SLC25A26: variants seen among roughly 807,000 people sequenced by gnomAD.
SLC25A26 encodes the protein solute carrier family 25 member 26.
A neutral mutation model predicts 37.8 loss-of-function variants in SLC25A26; 36 were observed. The ratio of observed to expected loss-of-function variants is 0.95; its 90% CI spans 0.73 to 1.26. The LOEUF (loss-of-function observed/expected upper bound fraction) is 1.26, where lower values mean the gene tolerates loss of function less well. Among genes scored for constraint, SLC25A26 ranks in the 50% most tolerant of loss-of-function variants. SLC25A26 has a pLI of 0.00. For missense variants in SLC25A26, 390 were observed against 331.1 expected (o/e 1.18, Z -1.38); for synonymous variants, 129 against 122.5 (o/e 1.05, Z -0.35).
chr3:66,137,601 G>T (rs898020157), intron 1 of SLC25A26, among the ~76,000 whole-genome samples: 1 of 152,048 alleles, frequency 6.6e-6, no homozygotes, highest in African/African-American at 2.4e-5. Flanking sequence ...GAATTACCTA[G>T]TTGGTGGTAT....
At chr3:66,323,286 C>T (rs996677003) in intron 5 of SLC25A26, among the ~76,000 whole-genome samples, 3 of 152,200 alleles carry the variant, frequency 2.0e-5, no homozygotes, top group South Asian at 2.1e-4. Context: ...ACCACATTTT[C>T]CAGTCAACCT....
chr3:66,144,301 A>G (rs2070082816), intron 1 of SLC25A26, among the ~76,000 whole-genome samples: 1 of 152,174 alleles, frequency 6.6e-6, no homozygotes, highest in African/African-American at 2.4e-5. Flanking sequence ...GCCTGAGTGT[A>G]AGTACAGTTT....
At chr3:66,265,827 A>C (rs182778516) in intron 5 of SLC25A26, among the ~76,000 whole-genome samples, 11 of 152,292 alleles carry the variant, frequency 7.2e-5, no homozygotes, top group African/African-American at 2.6e-4. Flanking sequence ...TTCACTCTGT[A>C]CTTAGTTTCT....
chr3:66,208,810 G>A (rs1251471259), intron 1 of SLC25A26, among the ~76,000 whole-genome samples: 1,405 of 100,894 alleles, frequency 0.014, 55 homozygotes, highest in African/African-American at 0.047. Flanking sequence ...CTTTACATGG[G>A]TATATATATA....
intron 5 of SLC25A26, among the ~76,000 whole-genome samples, chr3:66,310,571 G>A (rs560898122): frequency 1.3e-5 from 2 of 152,302 alleles, no homozygotes; most frequent in East Asian, 1.9e-4. Context: ...ATTAGTTGAT[G>A]CAGTTTCTTT....
intron 6 of SLC25A26, among the ~76,000 whole-genome samples, chr3:66,349,421 CTTTT>C (rs1559726771): frequency 6.6e-6 from 1 of 152,040 alleles, no homozygotes; most frequent in Non-Finnish European, 1.5e-5. Flanking sequence ...GTAGTCTTCT[CTTTT>C]CCAGAACATC....
At chr3:66,199,694 C>A (rs1283100556) in intron 1 of SLC25A26, among the ~76,000 whole-genome samples, 1 of 152,240 alleles carries the variant, frequency 6.6e-6, no homozygotes, top group South Asian at 2.1e-4. Flanking sequence ...TCATCCTGAC[C>A]CTCATCATGA....
chr3:66,160,577 C>A (rs569778783), intron 1 of SLC25A26, among the ~76,000 whole-genome samples: 1 of 152,268 alleles, frequency 6.6e-6, no homozygotes, highest in South Asian at 2.1e-4. Context: ...ATTCTATGTG[C>A]ACAATAATGT....
chr3:66,265,735 T>C (rs2107312404), intron 5 of SLC25A26, among the ~76,000 whole-genome samples: 1 of 120,430 alleles, frequency 8.3e-6, no homozygotes, highest in African/African-American at 3.1e-5. Context: ...GAACTTCTTT[T>C]TAAGGCAAAC....
chr3:66,289,491 A>G lies in SLC25A26; in HGVS notation c.453+26112A>G, dbSNP rs566359763. Among the ~76,000 whole-genome samples, 5 of 152,224 alleles carry G rather than the reference A, an allele frequency of 3.3e-5. No individual in the cohort carries two copies. The South Asian group carries it at 1.0e-3, about 32-fold the overall frequency. Reference sequence around the variant, plus strand: ...TAAGTCTTTAACCCATCTTGAGTTAATTTTTGTATAAAGAGTAAAGAAGGG... The same window carrying G: ...TAAGTCTTTAACCCATCTTGAGTTAGTTTTTGTATAAAGAGTAAAGAAGGG... On this transcript the variant is annotated intron_variant, in intron 5 of 9. Transcript: ENST00000354883.
At chr3:66,162,344 C>CTTTTT (rs562402223) in intron 1 of SLC25A26, among the ~76,000 whole-genome samples, 2 of 47,356 alleles carry the variant, frequency 4.2e-5, no homozygotes, top group Non-Finnish European at 9.0e-5. Flanking sequence ...ATTTTTTTTT[C>CTTTTT]TTTTTTTTTT....
At chr3:66,337,229 G>C (rs144021373) in intron 5 of SLC25A26, among the ~76,000 whole-genome samples, 2 of 152,170 alleles carry the variant, frequency 1.3e-5, no homozygotes, top group African/African-American at 2.4e-5. Context: ...TTTGTGTTCT[G>C]ATATACCCAG....
intron 5 of SLC25A26, among the ~76,000 whole-genome samples, chr3:66,343,977 G>C (rs1006078257): frequency 3.8e-4 from 58 of 152,296 alleles, no homozygotes; most frequent in African/African-American, 1.2e-3. Flanking sequence ...CGACATTCGG[G>C]GGGGCTGGCT....
intron 9 of SLC25A26, among the ~76,000 whole-genome samples, chr3:66,374,836 G>A (rs886469199): frequency 6.6e-6 from 1 of 151,826 alleles, no homozygotes; most frequent in Non-Finnish European, 1.5e-5. Flanking sequence ...GGCCACGATC[G>A]TGCCACTGCA....
At position 66,294,426 on chromosome 3, in the gene SLC25A26, A is replaced by G. The variant is rs545892539; in HGVS notation, c.453+31047A>G. Among the ~76,000 whole-genome samples, 46 of 152,218 alleles carry G rather than the reference A, an allele frequency of 3.0e-4. No individual in the cohort carries two copies. In the Middle Eastern group the frequency reaches 0.01, roughly 34 times the overall value. On this transcript the variant is annotated intron_variant, in intron 5 of 9. Transcript: ENST00000354883. ...CATAAGGAGCTTTTGGGCCGGGACT[A>G]TGGGGTTTTCTAGATATATGATCAT... is the stretch of plus-strand genomic sequence containing the variant.
intron 5 of SLC25A26, among the ~76,000 whole-genome samples, chr3:66,337,135 C>G (rs1033433670): frequency 6.6e-6 from 1 of 152,116 alleles, no homozygotes; most frequent in African/African-American, 2.4e-5. Flanking sequence ...CAGTCACTCA[C>G]TTCAACTGTG....
At position 66,362,888 on chromosome 3, in the gene SLC25A26, T is replaced by TA. The variant is rs1209927705; in HGVS notation, c.527_528insA (p.Val177GlyfsTer42). 1 of 1,608,166 alleles carries TA rather than the reference T, an allele frequency of 6.2e-7. No homozygotes were observed. Among genetic ancestry groups the TA allele is most frequent in the Admixed American group, 1.7e-5 (1 of 59,462 alleles). ...CTCTGGTCCTGGAGGCAGGATCATG[T>TA]GGTGGATTCTTGGCAGTCAGCAGTC... On this transcript the variant is annotated frameshift_variant, in exon 7 of 10. Transcript: ENST00000354883. LOFTEE classifies it high-confidence loss of function.
rs529872558 is a variant in SLC25A26, at chr3:66,184,341, A to T, written c.-353-36401A>T. Among the ~76,000 whole-genome samples the T allele has an allele frequency of 2.6e-5, 4 of 152,116 alleles. No homozygotes were observed. The East Asian group carries it at 5.8e-4, about 22-fold the overall frequency. On this transcript the variant is annotated intron_variant, in intron 1 of 10. Coordinates refer to the SLC25A26 transcript ENST00000676754. ...GACTGTAGCCCTTACCCTCACCCTG[A>T]TATGAACAGTGACTCAATCCCGACC...
rs2075315785 is a variant in SLC25A26, at chr3:66,309,466, G to A, written c.454-36898G>A. On this transcript the variant is annotated intron_variant, in intron 5 of 9. Transcript: ENST00000354883. ...CAAAAAACCAGCTCCTGGATTCATT[G>A]ATTTTTTTTTTAAAGTGTTTTTCAT... is the stretch of plus-strand genomic sequence containing the variant. Among the ~76,000 whole-genome samples, 2 of 150,068 alleles carry A rather than the reference G, an allele frequency of 1.3e-5. 1 individual carries two copies. The highest frequency in any genetic ancestry group is 5.0e-5 in the African/African-American group (2 of 39,700).
Sources: gnomAD v4.1 joint callset for allele counts (sites outside exome capture counted in the v4.1 genomes callset) on GRCh38, gnomAD v4.1.1 for gene constraint, MANE v1.5 for transcripts, NCBI Gene and HGNC (gene_info 2026-07-23, HGNC 2026-07-21) for gene names.